The following SCAF8 variants were observed in gnomAD, a reference collection of about 807,000 sequenced individuals.
The protein encoded by SCAF8 is SR-related and CTD-associated factor 8.
SCAF8 carries 23 observed loss-of-function variants against 140.5 expected under a neutral mutation model. The observed-to-expected ratio is 0.16, with a 90% CI of 0.12 to 0.23. The LOEUF (loss-of-function observed/expected upper bound fraction) is 0.23. SCAF8 is among the 10% of genes least tolerant of loss of function. The pLI, the probability that SCAF8 is intolerant of heterozygous loss-of-function variation, is 1.00. For synonymous variants in SCAF8, 575 were observed against 528.9 expected (o/e 1.09, Z -1.20); for missense variants, 1,397 against 1,555.7 (o/e 0.90, Z 1.72).
chr6:154,755,303 G>A (rs1398525789), intron 1 of SCAF8, among the ~76,000 whole-genome samples: 2 of 151,916 alleles, frequency 1.3e-5, no homozygotes, highest in Non-Finnish European at 2.9e-5. Flanking sequence ...GCCCACACTG[G>A]CATGCAGTGG....
intron 1 of SCAF8, among the ~76,000 whole-genome samples, chr6:154,769,167 G>C (rs1776666986): frequency 6.6e-6 from 1 of 151,778 alleles, no homozygotes; most frequent in Non-Finnish European, 1.5e-5. Context: ...GAAACATAAT[G>C]TATTATCCAG....
At chr6:154,741,421 T>A (rs992510816) in intron 1 of SCAF8, among the ~76,000 whole-genome samples, 1 of 152,120 alleles carries the variant, frequency 6.6e-6, no homozygotes, top group Non-Finnish European at 1.5e-5. Flanking sequence ...CTTCTTTTTT[T>A]TTTGAGATGG....
At chr6:154,769,055 A>G (rs1417323971) in intron 1 of SCAF8, among the ~76,000 whole-genome samples, 5 of 93,072 alleles carry the variant, frequency 5.4e-5, no homozygotes, top group African/African-American at 2.2e-4. Flanking sequence ...AGAGTGAGAC[A>G]CTGTCTCAAA....
At chr6:154,768,716 T>C (rs1776652671) in intron 1 of SCAF8, among the ~76,000 whole-genome samples, 1 of 152,218 alleles carries the variant, frequency 6.6e-6, no homozygotes, top group South Asian at 2.1e-4. Context: ...CTGCATGTGT[T>C]TTTAAATTGT....
chr6:154,757,134 C>T (rs1032703468), intron 1 of SCAF8, among the ~76,000 whole-genome samples: 1 of 152,134 alleles, frequency 6.6e-6, no homozygotes, highest in Non-Finnish European at 1.5e-5. Flanking sequence ...GCAGCTAGGA[C>T]TACAGGTGCA....
chr6:154,796,779 C>T (rs1583044020), intron 6 of SCAF8, among the ~76,000 whole-genome samples: 1 of 152,102 alleles, frequency 6.6e-6, no homozygotes, highest in Non-Finnish European at 1.5e-5. Context: ...TGAAGACTAG[C>T]CGGGCCAACG....
At chr6:154,757,844 A>G (rs1779004005) in intron 1 of SCAF8, among the ~76,000 whole-genome samples, 1 of 150,588 alleles carries the variant, frequency 6.6e-6, no homozygotes, top group Admixed American at 6.6e-5. Flanking sequence ...TGGGATTGGC[A>G]TTTGTTGATT....
intron 6 of SCAF8, among the ~76,000 whole-genome samples, chr6:154,800,279 T>C: frequency 6.6e-6 from 1 of 151,574 alleles, no homozygotes; most frequent in East Asian, 1.9e-4. Flanking sequence ...TGTTGACAGC[T>C]GCCTGTCCAA....
intron 1 of SCAF8, among the ~76,000 whole-genome samples, chr6:154,760,139 A>C (rs28412288): frequency 6.6e-6 from 1 of 152,064 alleles, no homozygotes; most frequent in Non-Finnish European, 1.5e-5. Flanking sequence ...CAAAAAATGT[A>C]AAAAATTAGC....
chr6:154,796,511 C>T (rs1455568728), intron 6 of SCAF8, among the ~76,000 whole-genome samples: 1 of 152,078 alleles, frequency 6.6e-6, no homozygotes, highest in East Asian at 1.9e-4. Context: ...TTTCTATTTG[C>T]ACCTCTACTG....
intron 12 of SCAF8, among the ~76,000 whole-genome samples, chr6:154,811,818 T>C (rs1382272668): frequency 6.6e-6 from 1 of 152,048 alleles, no homozygotes; most frequent in Admixed American, 6.6e-5. Context: ...GATAGTTTGC[T>C]GAGAATGGTA....
At chr6:154,809,389 CTTTATA>C (rs1342343909) in intron 11 of SCAF8, among the ~76,000 whole-genome samples, 7 of 152,014 alleles carry the variant, frequency 4.6e-5, no homozygotes, top group African/African-American at 1.2e-4. Context: ...TCACAAAGTT[CTTTATA>C]TTTATCTATT....
intron 6 of SCAF8, among the ~76,000 whole-genome samples, chr6:154,798,666 A>G (rs182880591): frequency 1.3e-4 from 20 of 151,474 alleles, no homozygotes; most frequent in South Asian, 6.2e-4. Flanking sequence ...TGGGGCTTCT[A>G]CCCTTACCCC....
chr6:154,739,445 G>T (rs1778512208), intron 1 of SCAF8, among the ~76,000 whole-genome samples: 1 of 152,138 alleles, frequency 6.6e-6, no homozygotes, highest in Non-Finnish European at 1.5e-5. Flanking sequence ...TATAGCTAGT[G>T]TATTACAATG....
At chr6:154,757,909 C>CT (rs750337401) in intron 1 of SCAF8, among the ~76,000 whole-genome samples, 4,509 of 132,608 alleles carry the variant, frequency 0.034, 129 homozygotes, top group Non-Finnish European at 0.053. Context: ...GTAAGTTTCA[C>CT]TTTTTTTTTT....
rs1370219867 is a variant in SCAF8 at position 154,733,771 on chromosome 6, C to T, written c.-130C>T. ...GTGCCCTTCCACTCCGCCCCGAGGT[C>T]GCAGCGGCCCGCTCTCCCGCCAGCG... is the stretch of plus-strand genomic sequence containing the variant. On this transcript the variant is annotated 5_prime_UTR_variant, in exon 1 of 20. Transcript: ENST00000367178. 43 of 1,366,282 alleles carry T rather than the reference C, an allele frequency of 3.1e-5. No homozygotes were observed. Among genetic ancestry groups the T allele is most frequent in the Admixed American group, 1.2e-4 (3 of 24,614 alleles). The allele number at this position is 1,366,282 out of a possible 1,614,324, so 84.6% of individuals were successfully genotyped here.
chr6:154,766,985 C>T (rs1284180525), intron 1 of SCAF8, among the ~76,000 whole-genome samples: 1 of 152,004 alleles, frequency 6.6e-6, no homozygotes, highest in African/African-American at 2.4e-5. Context: ...AGAGATGTCT[C>T]GTTTGGGGAC....
At chr6:154,782,081 T>G (rs1777101572) in intron 3 of SCAF8, among the ~76,000 whole-genome samples, 1 of 152,198 alleles carries the variant, frequency 6.6e-6, no homozygotes, top group Non-Finnish European at 1.5e-5. Flanking sequence ...CTAATTAATT[T>G]TGCCAAAAAT....
chr6:154,810,977 A>G (rs917536313), intron 12 of SCAF8, among the ~76,000 whole-genome samples: 1 of 152,304 alleles, frequency 6.6e-6, no homozygotes, highest in Non-Finnish European at 1.5e-5. Context: ...AGTTAGAAAA[A>G]TAATTGGTAT....
Sources: gnomAD v4.1 joint callset for allele counts (sites outside exome capture counted in the v4.1 genomes callset) on GRCh38, gnomAD v4.1.1 for gene constraint, MANE v1.5 for transcripts, NCBI Gene and HGNC (gene_info 2026-07-23, HGNC 2026-07-21) for gene names.